PGM1: variants seen among roughly 807,000 people sequenced by gnomAD.
PGM1 encodes the protein phosphoglucomutase-1.
PGM1 carries 52 observed loss-of-function variants against 55.6 expected under a neutral mutation model. That is an observed-to-expected ratio of 0.94 (90% CI 0.75 to 1.18). The LOEUF (loss-of-function observed/expected upper bound fraction) is 1.18, where lower values mean the gene tolerates loss of function less well. Among genes scored for constraint, PGM1 ranks in the 50% most tolerant of loss-of-function variants. The pLI is 0.00. For synonymous variants in PGM1, 287 were observed against 271.7 expected (o/e 1.06, Z -0.55); for missense variants, 724 against 729.3 (o/e 0.99, Z 0.08).
At chr1:63,648,282 G>A (rs1286663943) in intron 7 of PGM1, among the ~76,000 whole-genome samples, 1 of 152,186 alleles carries the variant, frequency 6.6e-6, no homozygotes, top group African/African-American at 2.4e-5. Context: ...GCAGGAGAGA[G>A]AGAGTGAAGG....
chr1:63,620,154 C>T (rs1438282441), intron 1 of PGM1, among the ~76,000 whole-genome samples: 1 of 152,158 alleles, frequency 6.6e-6, no homozygotes, highest in Non-Finnish European at 1.5e-5. Flanking sequence ...CTAGATTGTA[C>T]CTCTCATACA....
chr1:63,633,901 TGTGTGTGTGTGTGTGTG>T (rs1649272178), intron 4 of PGM1, among the ~76,000 whole-genome samples: 2 of 51,750 alleles, frequency 3.9e-5, no homozygotes, highest in South Asian at 7.2e-4. Flanking sequence ...TGTGTGTGTG[TGTGTGTGTGTGTGTGTG>T]TATATATATA....
chr1:63,623,264 G>T (rs1648930558), intron 1 of PGM1: 2 of 1,420,108 alleles, frequency 1.4e-6, no homozygotes, highest in Middle Eastern at 5.2e-4. Flanking sequence ...GTGGGTGTGT[G>T]GCCCTTAACT....
intron 1 of PGM1, among the ~76,000 whole-genome samples, chr1:63,617,574 G>T (rs895243448): frequency 1.2e-4 from 18 of 151,752 alleles, no homozygotes; most frequent in Admixed American, 2.6e-4. Flanking sequence ...GGGCATGGTG[G>T]CACACACCTG....
In PGM1 at chr1:63,644,061, C is replaced by T. The variant is rs187583702; in HGVS notation, c.1145-4456C>T. The stretch of plus-strand genomic sequence containing the variant: ...GCAGGGGCAGAAGCCAGGACAGCTC[C>T]TGAGATGCCCATACTGGTAAATGTA... On this transcript the variant is annotated intron_variant, in intron 7 of 10. Transcript: ENST00000371084. 4.6e-5 allele frequency among the ~76,000 whole-genome samples: 7 copies of T among 152,348 alleles called. No homozygotes were observed. In the East Asian group the frequency reaches 1.3e-3, roughly 29 times the overall value.
At position 63,593,722 on chromosome 1, in the gene PGM1, T is replaced by G; in HGVS notation, c.234T>G (p.Ala78=). The G allele has an allele frequency of 6.3e-7, 1 of 1,597,462 alleles. No individual in the cohort carries two copies. The highest frequency in any genetic ancestry group is 8.5e-7 in the Non-Finnish European group (1 of 1,175,272). The change falls in exon 1 of 11, where the codon GCT becomes GCG. Residue 78 remains alanine, a synonymous_variant. Coordinates refer to ENST00000371084, the MANE Select transcript of PGM1 (RefSeq NM_002633.3). ...CCATCCAGCTCATCGCTCGCATCGC[T>G]GCCGCCAACGGGGTAAGGGATGCGC... ...KEAIQLIARI[A]AANGIGRLVI...
At chr1:63,618,719 A>AC (rs1648808321) in intron 1 of PGM1, among the ~76,000 whole-genome samples, 1 of 152,116 alleles carries the variant, frequency 6.6e-6, no homozygotes, top group Non-Finnish European at 1.5e-5. Flanking sequence ...CAGCTGGGTG[A>AC]GGTGTGGCTC....
intron 6 of PGM1, among the ~76,000 whole-genome samples, chr1:63,637,503 G>GT (rs1649394540): frequency 6.6e-6 from 1 of 152,188 alleles, no homozygotes; most frequent in Non-Finnish European, 1.5e-5. Flanking sequence ...GTGGTTTGTA[G>GT]TTTGTATAGT....
rs1257952244 is a variant in PGM1, at chr1:63,648,611, C to T, written c.1239C>T (p.Leu413=). 9 of 1,613,994 alleles carry T rather than the reference C, an allele frequency of 5.6e-6. No individual in the cohort carries two copies. Among genetic ancestry groups the T allele is most frequent in the Non-Finnish European group, 6.8e-6 (8 of 1,180,014 alleles). ...ATRKQSVEDI[L]KDHWQKYGRN... ...GCAAGCAGAGTGTGGAGGACATTCT[C>T]AAAGATCATTGGCAAAAGTATGGCC... The change falls in exon 8 of 11, where the codon CTC becomes CTT. Residue 413 remains leucine, a synonymous_variant. Coordinates refer to ENST00000371084, the MANE Select transcript of PGM1 (RefSeq NM_002633.3).
intron 1 of PGM1, among the ~76,000 whole-genome samples, chr1:63,614,582 A>G (rs569826244): frequency 6.6e-6 from 1 of 152,314 alleles, no homozygotes; most frequent in South Asian, 2.1e-4. Context: ...TGATAGTTAC[A>G]TGTCTGGGCT....
chr1:63,600,776 T>A (rs762384945), intron 1 of PGM1, among the ~76,000 whole-genome samples: 10 of 152,242 alleles, frequency 6.6e-5, no homozygotes, highest in Non-Finnish European at 1.0e-4. Context: ...AATCATTTAA[T>A]GTTATAAAAT....
chr1:63,629,736 C>T, intron 2 of PGM1, 149 bp downstream of exon 2: 4 of 932,592 alleles, frequency 4.3e-6, no homozygotes, highest in Non-Finnish European at 6.7e-6. Flanking sequence ...CAGTGAAATG[C>T]TTCTCATTTG....
chr1:63,653,292 G>A (rs1254765894), intron 9 of PGM1, among the ~76,000 whole-genome samples: 1 of 152,186 alleles, frequency 6.6e-6, no homozygotes, highest in African/African-American at 2.4e-5. Flanking sequence ...GAGGCTTCAA[G>A]TTGAAGCTGT....
chr1:63,631,348 T>G (rs550612462), intron 3 of PGM1, among the ~76,000 whole-genome samples: 2 of 152,346 alleles, frequency 1.3e-5, no homozygotes, highest in East Asian at 1.9e-4. Context: ...ATACAACCTC[T>G]GTTGAAAATC....
At chr1:63,615,291 G>GCATTGTGAGAAGCA (rs1553178526) in intron 1 of PGM1, among the ~76,000 whole-genome samples, 1 of 152,124 alleles carries the variant, frequency 6.6e-6, no homozygotes, top group Non-Finnish European at 1.5e-5. Context: ...ATATGGCCAG[G>GCATTGTGAGAAGCA]CATTGTGAGA....
intron 1 of PGM1, among the ~76,000 whole-genome samples, chr1:63,628,787 G>T (rs1326313726): frequency 1.3e-5 from 2 of 152,094 alleles, no homozygotes; most frequent in African/African-American, 4.8e-5. Context: ...ATTCTGACTG[G>T]TTTACTCAGG....
chr1:63,621,364 C>T (rs150109946), intron 1 of PGM1, among the ~76,000 whole-genome samples: 1 of 151,784 alleles, frequency 6.6e-6, no homozygotes, highest in East Asian at 2.0e-4. Context: ...CCCAAGTACC[C>T]CCAAATTTAC....
At chr1:63,645,811 T>C (rs1024753808) in intron 7 of PGM1, among the ~76,000 whole-genome samples, 1 of 152,142 alleles carries the variant, frequency 6.6e-6, no homozygotes, top group Non-Finnish European at 1.5e-5. Flanking sequence ...TGGAGTAAAT[T>C]GATTGGTTGA....
Position 63,635,083 on chromosome 1 carries a change from A to G in PGM1, c.873+64A>G, listed in dbSNP as rs577626904. On this transcript the variant is annotated intron_variant, in intron 5 of 10. Coordinates refer to ENST00000371084, the MANE Select transcript of PGM1 (RefSeq NM_002633.3). ...CAGGCCTGATCCTGCAGATGGGGAA[A>G]AAAGTGGGCTGCTTCTGCCAGACCC... The G allele has an allele frequency of 2.8e-6, 4 of 1,406,006 alleles. No homozygotes were observed. The African/African-American group carries it at 4.2e-5, about 15-fold the overall frequency. 87.1% of individuals were successfully genotyped at this position (1,406,006 alleles called of 1,614,324 possible).
Sources: allele counts gnomAD v4.1 joint callset (sites outside exome capture counted in the v4.1 genomes callset), GRCh38; gene constraint gnomAD v4.1.1; transcripts MANE v1.5; gene names NCBI Gene and HGNC (gene_info 2026-07-23, HGNC 2026-07-21).